PDCD4: variants seen among roughly 807,000 people sequenced by gnomAD.
PDCD4 encodes programmed cell death protein 4.
Under a neutral mutation model 54.0 loss-of-function variants are expected in PDCD4, and 56 were observed. That is an observed-to-expected ratio of 1.04 (90% CI 0.84 to 1.30). The LOEUF (loss-of-function observed/expected upper bound fraction) is 1.30. PDCD4 is among the 50% of genes most tolerant of loss of function. PDCD4 has a pLI of 0.00. For synonymous variants in PDCD4, 186 were observed against 194.8 expected (o/e 0.95, Z 0.37); for missense variants, 584 against 559.8 (o/e 1.04, Z -0.44).
intron 2 of PDCD4, chr10:110,876,530 C>A: frequency 2.6e-6 from 1 of 382,422 alleles, no homozygotes; most frequent in South Asian, 1.2e-4. Flanking sequence ...TTCCTATTCT[C>A]TGTTATATAG....
At position 110,885,311 on chromosome 10, in the gene PDCD4, C is replaced by CT. The variant is rs760883703; in HGVS notation, c.503dup (p.Leu168PhefsTer10). On this transcript the variant is annotated frameshift_variant, in exon 5 of 12. Coordinates refer to ENST00000280154, the MANE Select transcript of PDCD4 (RefSeq NM_014456.5). LOFTEE classifies it high-confidence loss of function. The stretch of plus-strand genomic sequence containing the variant: ...TTGGATGAAAGGGCATTTGAGAAGA[C>CT]TTTAACACCAATCATACAGGAATAT... 7 of 1,601,296 alleles carry CT rather than the reference C, an allele frequency of 4.4e-6. No homozygotes were observed. In the South Asian group the frequency reaches 5.5e-5, roughly 13 times the overall value.
At chr10:110,877,900 T>A (rs953314912) in intron 2 of PDCD4, among the ~76,000 whole-genome samples, 1 of 152,200 alleles carries the variant, frequency 6.6e-6, no homozygotes, top group African/African-American at 2.4e-5. Flanking sequence ...ATATTGTATA[T>A]GTGTGTTAAG....
chr10:110,898,422 T>C lies in PDCD4; in HGVS notation c.*334T>C, dbSNP rs1463689523. On this transcript the variant is annotated 3_prime_UTR_variant, in exon 12 of 12. Coordinates refer to ENST00000280154, the MANE Select transcript of PDCD4 (RefSeq NM_014456.5). ...TGCCACTCCTTTCTTTCAAGGACAG[T>C]GTTTTTTGTAGTAAAATCACTGGTT... The C allele has an allele frequency of 1.1e-5, 2 of 183,734 alleles. No individual in the cohort carries two copies. The highest frequency in any genetic ancestry group is 1.1e-5 in the Non-Finnish European group (1 of 89,020). 11.4% of individuals were successfully genotyped at this position (183,734 alleles called of 1,614,324 possible).
At chr10:110,897,983 C>T (rs1226390465) in intron 11 of PDCD4, 45 bp from the exon 12 acceptor site, 11 of 1,387,376 alleles carry the variant, frequency 7.9e-6, no homozygotes, top group Non-Finnish European at 1.1e-5. Context: ...TGACTATAGT[C>T]AGAATTTGTA....
chr10:110,881,966 G>A (rs1370501162), intron 3 of PDCD4, among the ~76,000 whole-genome samples: 2 of 152,104 alleles, frequency 1.3e-5, no homozygotes, highest in Non-Finnish European at 2.9e-5. Flanking sequence ...ATCTCACGGT[G>A]AGTTCTCTTT....
At chr10:110,885,091 T>C (rs1385261684) in intron 4 of PDCD4, 162 bp from the exon 5 acceptor site, 1 of 470,238 alleles carries the variant, frequency 2.1e-6, no homozygotes, top group Non-Finnish European at 3.8e-6. Context: ...TCTCCTTGCC[T>C]GGCCTAGATT....
chr10:110,897,889 G>A (rs1005383129), intron 11 of PDCD4, 139 bp from the exon 12 acceptor site: 8 of 491,270 alleles, frequency 1.6e-5, no homozygotes, highest in African/African-American at 1.6e-4. Flanking sequence ...AGGAATTAGA[G>A]GCATGCTTTT....
chr10:110,876,687 TC>T, intron 2 of PDCD4: 1 of 1,233,222 alleles, frequency 8.1e-7, no homozygotes, highest in Non-Finnish European at 1.1e-6. Context: ...TCCCTAATTC[TC>T]CATGGTGCTT....
rs1354656210 is a variant in PDCD4, at chr10:110,881,518, G to C, written c.329G>C (p.Arg110Thr). 3.1e-6 allele frequency: 5 copies of C among 1,611,080 alleles called. No individual in the cohort carries two copies. The highest frequency in any genetic ancestry group is 4.2e-6 in the Non-Finnish European group (5 of 1,177,560). Residue 110 changes from arginine (R) to threonine (T), a missense_variant, in exon 3 of 12, where the codon AGG becomes ACG. Arg to Thr is a moderately conservative substitution (Grantham distance 71). Transcript: ENST00000280154. ...AGGCGATCCAGATCTGGGAAAGGAA[G>C]GGGACTACCAAAGAAAGGTTGGTAT... ...LDRRSRSGKG[R>T]GLPKKGGAGG...
At chr10:110,891,390 G>C (rs1845753366) in intron 8 of PDCD4, among the ~76,000 whole-genome samples, 1 of 119,984 alleles carries the variant, frequency 8.3e-6, no homozygotes, top group South Asian at 2.9e-4. Flanking sequence ...ATGGGTGACA[G>C]AGCAAGACTC....
intron 2 of PDCD4, chr10:110,876,669 G>T: frequency 9.6e-7 from 1 of 1,047,036 alleles, no homozygotes; most frequent in East Asian, 3.1e-5. Flanking sequence ...AAATTACCTA[G>T]GGTATTTTCC....
intron 8 of PDCD4, among the ~76,000 whole-genome samples, chr10:110,891,278 G>A (rs10787288): frequency 0.55 from 82,812 of 151,394 alleles, 25,367 homozygotes; most frequent in Non-Finnish European, 0.69. Context: ...ATGGTGGTGC[G>A]CACCTGTAAT....
Position 110,898,108 on chromosome 10 carries a change from CT to C in PDCD4, c.*22del. The C allele has an allele frequency of 7.9e-7, 1 of 1,268,300 alleles. No homozygotes were observed. Among genetic ancestry groups the C allele is most frequent in the Non-Finnish European group, 1.1e-6 (1 of 929,386 alleles). The allele number at this position is 1,268,300 out of a possible 1,614,324, so 78.6% of individuals were successfully genotyped here. A position where few individuals can be genotyped will look rare whatever the true frequency, so the allele number is the denominator to read the frequency against. On this transcript the variant is annotated 3_prime_UTR_variant, in exon 12 of 12. Transcript: ENST00000280154. Reference sequence around the variant, plus strand: ...TACTGAATATAAGAACTCTTGCAGTCTTAGATGTTATAAAAATATATATCTG... The same window carrying C: ...TACTGAATATAAGAACTCTTGCAGTCTAGATGTTATAAAAATATATATCTG...
chr10:110,890,497 A>G (rs776524199), intron 7 of PDCD4, 59 bp from the exon 8 acceptor site: 7 of 889,642 alleles, frequency 7.9e-6, no homozygotes, highest in Admixed American at 2.3e-5. Flanking sequence ...TTTATCCCTA[A>G]TTTAGTAAAC....
At chr10:110,893,499 G>A (rs1302561904) in intron 8 of PDCD4, among the ~76,000 whole-genome samples, 1 of 151,668 alleles carries the variant, frequency 6.6e-6, no homozygotes, top group Non-Finnish European at 1.5e-5. Flanking sequence ...ACTTTTTTGA[G>A]ATGTTCAAGT....
At chr10:110,889,685 G>T in intron 7 of PDCD4, 55 bp downstream of exon 7, 1 of 959,644 alleles carries the variant, frequency 1.0e-6, no homozygotes, top group Non-Finnish European at 1.7e-6. Context: ...AATTCTACAG[G>T]ATCCTATTGA....
intron 2 of PDCD4, 35 bp from the exon 3 acceptor site, chr10:110,881,198 T>C: frequency 1.3e-6 from 2 of 1,510,002 alleles, no homozygotes; most frequent in South Asian, 2.4e-5. Context: ...ATACTTAAAA[T>C]ACTTAGAATT....
rs1297423318 is a variant in PDCD4, at chr10:110,898,697, G to A, written c.*609G>A. 1.3e-5 allele frequency: 2 copies of A among 152,526 alleles called. No homozygotes were observed. Among genetic ancestry groups the A allele is most frequent in the Non-Finnish European group, 2.9e-5 (2 of 68,012 alleles). 9.4% of individuals were successfully genotyped at this position (152,526 alleles called of 1,614,324 possible). On this transcript the variant is annotated 3_prime_UTR_variant, in exon 12 of 12. Transcript: ENST00000280154. ...CTACAAAACTGGAAAAATGAACCTG[G>A]TTCTAGAAGAATGTACACCAAAATA...
Position 110,881,149 on chromosome 10 carries a change from A to C in PDCD4, c.44-84A>C, listed in dbSNP as rs1356641606. The C allele has an allele frequency of 3.3e-5, 32 of 980,704 alleles. No individual in the cohort carries two copies. The Middle Eastern group carries it at 6.5e-4, about 20-fold the overall frequency. The allele number at this position is 980,704 out of a possible 1,614,324, so 60.8% of individuals were successfully genotyped here. On this transcript the variant is annotated intron_variant, in intron 2 of 11. Transcript: ENST00000280154. ...CAAAAATGGTAATGTCATGTGATTC[A>C]ACCTAATCTAACTTACCACTATATC...
Sources: gnomAD v4.1 joint callset for allele counts (sites outside exome capture counted in the v4.1 genomes callset) on GRCh38, gnomAD v4.1.1 for gene constraint, MANE v1.5 for transcripts, NCBI Gene and HGNC (gene_info 2026-07-23, HGNC 2026-07-21) for gene names.